The following CTNNA3 variants were observed in gnomAD, a reference collection of about 807,000 sequenced individuals.
CTNNA3 encodes catenin alpha 3, also known as catenin alpha-3.
CTNNA3 carries 76 observed loss-of-function variants against 95.7 expected under a neutral mutation model. The observed-to-expected ratio is 0.79, with a 90% CI of 0.66 to 0.96. The LOEUF (loss-of-function observed/expected upper bound fraction) is 0.96. CTNNA3 is among the 40% of genes least tolerant of loss of function. CTNNA3 has a pLI of 0.00. For synonymous variants in CTNNA3, 431 were observed against 374.4 expected (o/e 1.15, Z -1.74); for missense variants, 1,191 against 1,089.8 (o/e 1.09, Z -1.31).
chr10:66,148,565 T>C (rs756604615), intron 13 of CTNNA3, among the ~76,000 whole-genome samples: 1 of 151,982 alleles, frequency 6.6e-6, no homozygotes, highest in Non-Finnish European at 1.5e-5. Flanking sequence ...ATTCCCCTTT[T>C]CATTATGTGA....
chr10:66,672,611 AAC>A (rs1272823361), intron 9 of CTNNA3, among the ~76,000 whole-genome samples: 1 of 152,148 alleles, frequency 6.6e-6, no homozygotes, highest in Non-Finnish European at 1.5e-5. Context: ...ATGGAAAAAT[AAC>A]ACAGTGTCTC....
intron 1 of CTNNA3, among the ~76,000 whole-genome samples, chr10:67,673,098 A>G (rs1039390925): frequency 2.0e-5 from 3 of 152,032 alleles, no homozygotes; most frequent in African/African-American, 7.2e-5. Flanking sequence ...TTGGATTCCC[A>G]GGTATTTTAT....
At chr10:66,843,286 C>T (rs910448952) in intron 7 of CTNNA3, among the ~76,000 whole-genome samples, 2 of 152,022 alleles carry the variant, frequency 1.3e-5, no homozygotes, top group African/African-American at 2.4e-5. Flanking sequence ...AATCCCAGAC[C>T]CCTGTCACTC....
chr10:67,734,031 A>T (rs980428453), intron 1 of CTNNA3, among the ~76,000 whole-genome samples: 6 of 152,202 alleles, frequency 3.9e-5, no homozygotes, highest in Non-Finnish European at 8.8e-5. Context: ...CTGGATTTTT[A>T]AATTTATATC....
At chr10:66,904,697 A>T (rs1845909486) in intron 7 of CTNNA3, among the ~76,000 whole-genome samples, 1 of 152,214 alleles carries the variant, frequency 6.6e-6, no homozygotes, top group African/African-American at 2.4e-5. Context: ...CCCATCAAAA[A>T]GTGGGCAAAG....
At chr10:67,181,850 A>T (rs1041783997) in intron 6 of CTNNA3, among the ~76,000 whole-genome samples, 2 of 152,084 alleles carry the variant, frequency 1.3e-5, no homozygotes, top group African/African-American at 4.8e-5. Context: ...TTTTAAAAAA[A>T]CAGCACTGTG....
intron 5 of CTNNA3, among the ~76,000 whole-genome samples, chr10:67,386,679 CT>C (rs1052490327): frequency 1.3e-5 from 2 of 152,046 alleles, no homozygotes; most frequent in African/African-American, 4.8e-5. Context: ...TCCCAATGGC[CT>C]TTGTATATGT....
At chr10:67,267,199 T>C (rs1046370595) in intron 5 of CTNNA3, among the ~76,000 whole-genome samples, 7 of 152,136 alleles carry the variant, frequency 4.6e-5, no homozygotes, top group African/African-American at 7.2e-5. Flanking sequence ...AAGAACAAAC[T>C]GTAGCCATTT....
chr10:67,483,664 C>G (rs532374836), intron 5 of CTNNA3, among the ~76,000 whole-genome samples: 2 of 150,720 alleles, frequency 1.3e-5, no homozygotes, highest in Non-Finnish European at 2.9e-5. Context: ...TGCTAAATGA[C>G]GAGTTAATGG....
At chr10:66,053,949 T>A (rs868178326) in intron 15 of CTNNA3, among the ~76,000 whole-genome samples, 6 of 152,050 alleles carry the variant, frequency 3.9e-5, no homozygotes, top group Non-Finnish European at 7.4e-5. Flanking sequence ...TTGTTATCGT[T>A]GTTGCCACCT....
chr10:66,431,805 A>G (rs1205379810), intron 11 of CTNNA3, among the ~76,000 whole-genome samples: 2 of 151,440 alleles, frequency 1.3e-5, no homozygotes, highest in Non-Finnish European at 2.9e-5. Context: ...TTAAATGACC[A>G]GTTAATGGGT....
chr10:66,996,417 G>A (rs1400542191), intron 7 of CTNNA3, among the ~76,000 whole-genome samples: 3 of 151,990 alleles, frequency 2.0e-5, no homozygotes, highest in Non-Finnish European at 1.5e-5. Flanking sequence ...AGGCCGAGAC[G>A]GGCAGATTGC....
intron 7 of CTNNA3, chr10:66,837,316 A>G (rs988314911): frequency 4.6e-5 from 7 of 152,178 alleles, no homozygotes; most frequent in Admixed American, 6.6e-5. Context: ...TAATTAAAGT[A>G]GTTACTGTTG....
chr10:65,950,772 T>C (rs1406114005), intron 17 of CTNNA3, among the ~76,000 whole-genome samples: 1 of 152,242 alleles, frequency 6.6e-6, no homozygotes, highest in Non-Finnish European at 1.5e-5. Flanking sequence ...CTATTTGACA[T>C]ATGAATAAGA....
At chr10:67,465,752 C>T (rs1272051489) in intron 5 of CTNNA3, among the ~76,000 whole-genome samples, 2 of 152,060 alleles carry the variant, frequency 1.3e-5, no homozygotes, top group East Asian at 3.9e-4. Flanking sequence ...GTAGAATGTT[C>T]TTTTATTTGG....
intron 1 of CTNNA3, among the ~76,000 whole-genome samples, chr10:67,723,607 T>G (rs1468302461): frequency 6.6e-6 from 1 of 152,176 alleles, no homozygotes; most frequent in Non-Finnish European, 1.5e-5. Flanking sequence ...TTCAATTCTT[T>G]GATAAACAAT....
intron 17 of CTNNA3, among the ~76,000 whole-genome samples, chr10:65,931,063 C>A (rs1054839860): frequency 8.5e-5 from 13 of 152,058 alleles, no homozygotes; most frequent in African/African-American, 3.1e-4. Flanking sequence ...TCCTTCATGA[C>A]CCAGATTTTT....
chr10:66,119,531 C>T (rs1251715242), intron 13 of CTNNA3, among the ~76,000 whole-genome samples: 1 of 152,086 alleles, frequency 6.6e-6, no homozygotes, highest in African/African-American at 2.4e-5. Context: ...ACTCCTCATG[C>T]TGTTTTATCA....
chr10:67,761,062 C>T (rs915774977), intron 1 of CTNNA3, among the ~76,000 whole-genome samples: 10 of 152,300 alleles, frequency 6.6e-5, no homozygotes, highest in Admixed American at 5.9e-4. Flanking sequence ...ACTGGTGTAG[C>T]CTGTTGCTCC....
Sources: gnomAD v4.1 joint callset for allele counts (sites outside exome capture counted in the v4.1 genomes callset) on GRCh38, gnomAD v4.1.1 for gene constraint, MANE v1.5 for transcripts, NCBI Gene and HGNC (gene_info 2026-07-23, HGNC 2026-07-21) for gene names.